Variants in SDK2 observed in about 807,000 individuals in gnomAD.
SDK2 encodes the protein sidekick cell adhesion molecule 2.
SDK2 carries 105 observed loss-of-function variants against 253.9 expected under a neutral mutation model. The ratio of observed to expected loss-of-function variants is 0.41; its 90% confidence interval spans 0.35 to 0.49. The LOEUF (loss-of-function observed/expected upper bound fraction) is 0.49. SDK2 is among the 20% of genes least tolerant of loss of function. The pLI is 0.06. For synonymous variants in SDK2, 1,249 were observed against 1,234.9 expected (o/e 1.01, Z -0.24); for missense variants, 2,608 against 3,003.0 (o/e 0.87, Z 3.07).
chr17:73,380,615 G>A (rs1401863438), intron 34 of SDK2, among the ~76,000 whole-genome samples: 2 of 152,318 alleles, frequency 1.3e-5, no homozygotes, highest in African/African-American at 2.4e-5. Flanking sequence ...CTGCGGCCCC[G>A]CTGTCACTGT....
chr17:73,536,402 A>C (rs1599658324), intron 1 of SDK2, among the ~76,000 whole-genome samples: 2 of 151,738 alleles, frequency 1.3e-5, no homozygotes, highest in Non-Finnish European at 2.9e-5. Context: ...TTGGCATTCC[A>C]CCCCAACCCC....
At chr17:73,611,448 G>A (rs4789226) in intron 1 of SDK2, among the ~76,000 whole-genome samples, 72,170 of 152,132 alleles carry the variant, frequency 0.47, 17,682 homozygotes, top group Admixed American at 0.55. Context: ...GCTGGGGCCC[G>A]CCTCTGTGGC....
At chr17:73,485,020 C>T (rs541719885) in intron 2 of SDK2, among the ~76,000 whole-genome samples, 1 of 152,312 alleles carries the variant, frequency 6.6e-6, no homozygotes, top group African/African-American at 2.4e-5. Flanking sequence ...AGTATGACCT[C>T]AGCTGAACCA....
At chr17:73,396,372 G>A (rs553631952) in intron 24 of SDK2, among the ~76,000 whole-genome samples, 2 of 152,240 alleles carry the variant, frequency 1.3e-5, no homozygotes, top group East Asian at 3.9e-4. Flanking sequence ...CACAGAGCTG[G>A]GGTGGGGGCA....
chr17:73,424,339 C>T (rs888750215), intron 12 of SDK2, among the ~76,000 whole-genome samples: 2 of 152,118 alleles, frequency 1.3e-5, no homozygotes, highest in African/African-American at 2.4e-5. Flanking sequence ...CATTATTGGT[C>T]GTTACACCTT....
At chr17:73,341,901 G>A (rs1198483333) in intron 44 of SDK2, among the ~76,000 whole-genome samples, 1 of 152,158 alleles carries the variant, frequency 6.6e-6, no homozygotes, top group Non-Finnish European at 1.5e-5. Flanking sequence ...TGCTACCTGA[G>A]CACCGACGCT....
intron 30 of SDK2, among the ~76,000 whole-genome samples, chr17:73,387,254 C>G (rs992538141): frequency 6.6e-6 from 1 of 152,244 alleles, no homozygotes; most frequent in African/African-American, 2.4e-5. Flanking sequence ...GCCACCGCTC[C>G]TGGCCTCTCT....
In SDK2 at chr17:73,644,115, G is replaced by A. The variant is rs560179704; in HGVS notation, c.-27C>T. 1.3e-6 allele frequency: 2 copies of A among 1,540,246 alleles called. No homozygotes were observed. The highest frequency in any genetic ancestry group is 1.8e-6 in the Non-Finnish European group (2 of 1,137,008). On this transcript the variant is annotated 5_prime_UTR_variant, in exon 1 of 45. Transcript: ENST00000392650. This position sits in a 1 kb window ranked among gnomAD's most constrained non-coding sequence, Gnocchi z 6.3. ...GTGACCAGCCTGGAGAGGGGTCCTC[G>A]GGGTCTCCCTTCCCTCCGCCCTGTT...
At chr17:73,509,743 A>G (rs1216459433) in intron 1 of SDK2, among the ~76,000 whole-genome samples, 2 of 150,838 alleles carry the variant, frequency 1.3e-5, no homozygotes, top group South Asian at 2.1e-4. Context: ...ACGAAAATAC[A>G]AAAGAAATTA....
In SDK2 at chr17:73,395,455, C is replaced by T; in HGVS notation, c.3355-63G>A. On this transcript the variant is annotated intron_variant, in intron 24 of 44. Coordinates refer to ENST00000392650, the MANE Select transcript of SDK2 (RefSeq NM_001144952.2). This position sits in a 1 kb window ranked among gnomAD's most constrained non-coding sequence, Gnocchi z 4.3. ...AGGCCCCCCACTGTGCAGGGAGGAA[C>T]TGCCCTGCTACCCTCTCCTCCAGGG... 1.4e-6 allele frequency: 2 copies of T among 1,387,042 alleles called. No individual in the cohort carries two copies. Among genetic ancestry groups the T allele is most frequent in the Non-Finnish European group, 2.0e-6 (2 of 982,484 alleles). 85.9% of individuals were successfully genotyped at this position (1,387,042 alleles called of 1,614,324 possible).
chr17:73,366,255 A>G (rs530567833), intron 37 of SDK2, among the ~76,000 whole-genome samples: 310 of 152,236 alleles, frequency 2.0e-3, no homozygotes, highest in African/African-American at 7.3e-3. Flanking sequence ...GGGACAGAAC[A>G]TGTTGTCCTG....
intron 1 of SDK2, among the ~76,000 whole-genome samples, chr17:73,597,964 C>T (rs1229979469): frequency 6.6e-6 from 1 of 152,058 alleles, no homozygotes; most frequent in Non-Finnish European, 1.5e-5. Context: ...TTTATGATAC[C>T]CCTACAAGGT....
At chr17:73,524,342 G>A (rs2064108093) in intron 1 of SDK2, among the ~76,000 whole-genome samples, 1 of 152,190 alleles carries the variant, frequency 6.6e-6, no homozygotes, top group Admixed American at 6.5e-5. Context: ...AGACCAACAT[G>A]GCCCCCGCCC....
At chr17:73,377,982 C>A (rs2062797902) in intron 36 of SDK2, among the ~76,000 whole-genome samples, 1 of 152,160 alleles carries the variant, frequency 6.6e-6, no homozygotes, top group Non-Finnish European at 1.5e-5. Context: ...GGCATAAAAA[C>A]CCATATCCTC....
chr17:73,380,967 C>CGG lies in SDK2; in HGVS notation c.4706-18_4706-17insCC. Reference sequence around the variant, plus strand: ...AGTACATGGCTATGGGGTGGGGGTGCCGGGGCGGGGGCGCAGAGGGAGACA... The same window carrying CGG: ...AGTACATGGCTATGGGGTGGGGGTGCGGCGGGGCGGGGGCGCAGAGGGAGACA... On this transcript the variant is annotated splice_polypyrimidine_tract_variant and intron_variant, in intron 33 of 44. Coordinates refer to ENST00000392650, the MANE Select transcript of SDK2 (RefSeq NM_001144952.2). 5 of 985,090 alleles carry CGG rather than the reference C, an allele frequency of 5.1e-6. No individual in the cohort carries two copies. Among genetic ancestry groups the CGG allele is most frequent in the Non-Finnish European group, 6.1e-6 (4 of 651,186 alleles). The allele number at this position is 985,090 out of a possible 1,614,324, so 61.0% of individuals were successfully genotyped here. A position where few individuals can be genotyped will look rare whatever the true frequency, so the allele number is the denominator to read the frequency against.
At position 73,431,525 on chromosome 17, in the gene SDK2, G is replaced by A. The variant is rs1383847340; in HGVS notation, c.1457C>T (p.Ala486Val). 6.2e-7 allele frequency: 1 copy of A among 1,613,436 alleles called. No homozygotes were observed. The highest frequency in any genetic ancestry group is 1.7e-5 in the Admixed American group (1 of 59,926). ...ACCCCAAACGACTAGGTCTGCTGAG[G>A]CCTCATCGACCCCCCGAGAGTTGGT... ...LATNSRGVDE[A>V]SADLVVWART... Residue 486 changes from alanine (A) to valine (V), a missense_variant, in exon 11 of 45, where the codon GCC (alanine) becomes GTC (valine). Ala to Val is a moderately conservative substitution (Grantham distance 64). Coordinates refer to ENST00000392650, the MANE Select transcript of SDK2 (RefSeq NM_001144952.2). The surrounding 1 kb of genome is among the most constrained non-coding windows in gnomAD (Gnocchi z 5.6).
At chr17:73,550,875 A>C (rs936958562) in intron 1 of SDK2, among the ~76,000 whole-genome samples, 2 of 152,116 alleles carry the variant, frequency 1.3e-5, no homozygotes, top group East Asian at 1.9e-4. Flanking sequence ...ACCCGTCCAC[A>C]GGGAGCTGGA....
intron 39 of SDK2, among the ~76,000 whole-genome samples, chr17:73,359,671 G>A (rs1227736162): frequency 6.6e-6 from 1 of 152,088 alleles, no homozygotes; most frequent in Non-Finnish European, 1.5e-5. Flanking sequence ...TTTGAGACAC[G>A]TTCTCACTCT....
chr17:73,598,856 A>G (rs116064377), intron 1 of SDK2, among the ~76,000 whole-genome samples: 5,553 of 152,142 alleles, frequency 0.036, 120 homozygotes, highest in African/African-American at 0.05. Flanking sequence ...AAGTCACAGC[A>G]CCTCTCCTGC....
Sources: gnomAD v4.1 joint callset for allele counts (sites outside exome capture counted in the v4.1 genomes callset) on GRCh38, gnomAD v4.1.1 for gene constraint, Gnocchi (gnomAD v3.1) non-coding constraint, MANE v1.5 for transcripts, NCBI Gene and HGNC (gene_info 2026-07-23, HGNC 2026-07-21) for gene names.